The following SMC5 variants were observed in gnomAD, a reference collection of about 807,000 sequenced individuals.
SMC5 encodes the protein structural maintenance of chromosomes protein 5.
In SMC5, 88 loss-of-function variants were observed where a neutral mutation model predicts 148.3. That is an observed-to-expected ratio of 0.59 (90% CI 0.50 to 0.71). The LOEUF (loss-of-function observed/expected upper bound fraction) is 0.71, where lower values mean the gene tolerates loss of function less well. Among genes scored for constraint, SMC5 ranks in the 30% least tolerant of loss-of-function variants. The pLI, the probability that SMC5 is intolerant of heterozygous loss-of-function variation, is 0.00. For missense variants in SMC5, 1,142 were observed against 1,298.9 expected, an observed-to-expected ratio of 0.88 and a Z score of 1.86; for synonymous variants, 421 against 432.8, an observed-to-expected ratio of 0.97 and a Z score of 0.34.
chr9:70,324,292 T>C lies in SMC5; in HGVS notation c.2397+149T>C, dbSNP rs148694196. 531 of 720,288 alleles carry C rather than the reference T, an allele frequency of 7.4e-4. 3 individuals are homozygous for C. The African/African-American group carries it at 9.1e-3, about 12-fold the overall frequency. 44.6% of individuals were successfully genotyped at this position (720,288 alleles called of 1,614,324 possible). A position where few individuals can be genotyped will look rare whatever the true frequency, so the allele number is the denominator to read the frequency against. On this transcript the variant is annotated intron_variant, in intron 17 of 24. Transcript: ENST00000361138. ...ATGCATCATGTTGATGAGGAAGTAA[T>C]ACTTAAAATACTTAAGACTGGTTGA...
chr9:70,326,596 CTTTT>C (rs551424297), intron 17 of SMC5, among the ~76,000 whole-genome samples: 1 of 126,600 alleles, frequency 7.9e-6, no homozygotes, highest in Non-Finnish European at 1.7e-5. Context: ...AAACCAGAAT[CTTTT>C]TTTTTTTTTT....
intron 9 of SMC5, 29 bp from the exon 10 acceptor site, chr9:70,300,016 AC>A: frequency 2.6e-6 from 4 of 1,530,632 alleles, no homozygotes; most frequent in Non-Finnish European, 3.5e-6. Flanking sequence ...TTTCAGAGAA[AC>A]AAGACTTTGT....
At chr9:70,304,176 A>T (rs1258525205) in intron 10 of SMC5, among the ~76,000 whole-genome samples, 1 of 152,010 alleles carries the variant, frequency 6.6e-6, no homozygotes, top group Non-Finnish European at 1.5e-5. Flanking sequence ...GTAACTTCAA[A>T]CTCCTGGGCT....
intron 8 of SMC5, among the ~76,000 whole-genome samples, chr9:70,287,148 A>G (rs1564031942): frequency 6.6e-6 from 1 of 152,304 alleles, no homozygotes; most frequent in South Asian, 2.1e-4. Context: ...ATTTATTGCT[A>G]AGGAAAAATC....
intron 12 of SMC5, 142 bp downstream of exon 12, chr9:70,314,978 A>G (rs920762664): frequency 2.0e-6 from 1 of 512,708 alleles, no homozygotes; most frequent in Non-Finnish European, 3.5e-6. Context: ...GCACAGGACC[A>G]TGATATAGTT....
In SMC5 at chr9:70,286,207, A is replaced by G. The variant is rs776884389; in HGVS notation, c.989A>G (p.Asp330Gly). The G allele has an allele frequency of 1.5e-6, 2 of 1,359,528 alleles. No individual in the cohort carries two copies. Among genetic ancestry groups the G allele is most frequent in the Non-Finnish European group, 2.0e-6 (2 of 989,218 alleles). 84.2% of individuals were successfully genotyped at this position (1,359,528 alleles called of 1,614,324 possible). A position where few individuals can be genotyped will look rare whatever the true frequency, so the allele number is the denominator to read the frequency against. ...LEARIKEKATDIKEASQKCKQ... is the reference protein window; with the variant it reads ...LEARIKEKATGIKEASQKCKQ... ...CCCGGTTTAATTTTACAGGCAACAG[A>G]TATTAAGGAGGCATCTCAAAAATGC... The change falls in exon 8 of 25, where the codon GAT (aspartate) becomes GGT (glycine). Residue 330 changes from aspartate to glycine, a missense_variant. Asp to Gly is a moderately conservative substitution (Grantham distance 94). This residue lies in a region of SMC5 where 743 missense variants were observed against 835.7 expected (regional missense o/e 0.89). Coordinates refer to ENST00000361138, the MANE Select transcript of SMC5 (RefSeq NM_015110.4).
rs778648278 is a variant in SMC5 at position 70,259,216 on chromosome 9, G to T, written c.138G>T (p.Gly46=). 8 of 1,605,274 alleles carry T rather than the reference G, an allele frequency of 5.0e-6. No individual in the cohort carries two copies. Among genetic ancestry groups the T allele is most frequent in the South Asian group, 2.2e-5 (2 of 89,504 alleles). Residue 46 remains glycine, a synonymous_variant, in exon 1 of 25, where the codon GGG becomes GGT. Transcript: ENST00000361138. The stretch of plus-strand genomic sequence containing the variant: ...AGCTGCCGCTGTTGCAGTCGTCCGG[G>T]CCTTTCGTGGAAGGCTCTATCGTCC... ...APQLPLLQSS[G]PFVEGSIVRI...
chr9:70,260,307 G>T (rs534016948), intron 1 of SMC5, among the ~76,000 whole-genome samples: 1 of 152,038 alleles, frequency 6.6e-6, no homozygotes, highest in Non-Finnish European at 1.5e-5. Flanking sequence ...CGGTTTCACC[G>T]TGTTGACCAG....
intron 15 of SMC5, among the ~76,000 whole-genome samples, chr9:70,322,499 T>A (rs915087629): frequency 6.6e-5 from 10 of 152,232 alleles, no homozygotes; most frequent in African/African-American, 2.4e-4. Flanking sequence ...AAAAGACTGT[T>A]GCAAAATTTA....
chr9:70,287,173 A>G (rs1386773387), intron 8 of SMC5, among the ~76,000 whole-genome samples: 2 of 152,166 alleles, frequency 1.3e-5, no homozygotes, highest in African/African-American at 4.8e-5. Flanking sequence ...TTCAATTTGT[A>G]GTATCCTGTT....
At chr9:70,323,443 G>A (rs201844196) in intron 15 of SMC5, 40 bp from the exon 16 acceptor site, 12 of 1,549,306 alleles carry the variant, frequency 7.7e-6, no homozygotes, top group African/African-American at 2.8e-5. Flanking sequence ...CAATTCTTAT[G>A]TTTAACACTG....
rs1282697387 is a variant in SMC5, at chr9:70,353,956, C to A, written c.*1625C>A. ...TAAATTAGTACCAGTCATCTTATTT[C>A]TGCAAAATGAGTATCAATGTGAAAA... On this transcript the variant is annotated 3_prime_UTR_variant, in exon 25 of 25. Coordinates refer to ENST00000361138, the MANE Select transcript of SMC5 (RefSeq NM_015110.4). The A allele has an allele frequency of 3.3e-5, 5 of 152,090 alleles. No homozygotes were observed. Among genetic ancestry groups the A allele is most frequent in the African/African-American group, 4.8e-5 (2 of 41,404 alleles). The allele number at this position is 152,090 out of a possible 1,614,324, so 9.4% of individuals were successfully genotyped here.
At chr9:70,317,618 C>G (rs1216726872) in intron 13 of SMC5, among the ~76,000 whole-genome samples, 3 of 152,172 alleles carry the variant, frequency 2.0e-5, no homozygotes, top group African/African-American at 7.2e-5. Context: ...ACAATAGTAT[C>G]TGAAGGTTTT....
intron 1 of SMC5, among the ~76,000 whole-genome samples, chr9:70,263,068 C>T (rs2034182034): frequency 6.6e-6 from 1 of 152,026 alleles, no homozygotes; most frequent in South Asian, 2.1e-4. Flanking sequence ...GTTCTGTTTT[C>T]TTAAATACCA....
At chr9:70,352,091 A>G in intron 24 of SMC5, 100 bp from the exon 25 acceptor site, 5 of 1,145,090 alleles carry the variant, frequency 4.4e-6, no homozygotes, top group Non-Finnish European at 6.1e-6. Context: ...TTTTATTAAT[A>G]TTGCAAATAA....
Position 70,282,579 on chromosome 9 carries a change from A to C in SMC5, c.977A>C (p.Glu326Ala). ...CACAATTTGGAGGCTCGAATCAAAGAAAAGGTACTTTTTGGTTTCAATTTT... is the reference window on the plus strand; with the variant it reads ...CACAATTTGGAGGCTCGAATCAAAGCAAAGGTACTTTTTGGTTTCAATTTT... ...ERHNLEARIKEKATDIKEASQ... is the reference protein window; with the variant it reads ...ERHNLEARIKAKATDIKEASQ... The change falls in exon 7 of 25, where the codon GAA becomes GCA. Residue 326 changes from glutamate to alanine, a missense_variant. Transcript: ENST00000361138. 2 of 1,561,142 alleles carry C rather than the reference A, an allele frequency of 1.3e-6. No individual in the cohort carries two copies. Among genetic ancestry groups the C allele is most frequent in the Admixed American group, 4.2e-5 (2 of 47,706 alleles).
At chr9:70,314,633 C>T (rs987175794) in intron 11 of SMC5, 109 bp from the exon 12 acceptor site, 16 of 458,692 alleles carry the variant, frequency 3.5e-5, no homozygotes, top group South Asian at 7.6e-5. Flanking sequence ...ATGCCGTGTT[C>T]GAGTTTCTTA....
At chr9:70,302,277 C>T (rs1220866977) in intron 10 of SMC5, among the ~76,000 whole-genome samples, 1 of 151,940 alleles carries the variant, frequency 6.6e-6, no homozygotes, top group Admixed American at 6.6e-5. Context: ...GGGGGTGGAA[C>T]GAGGTCAGAA....
In SMC5 at chr9:70,346,597, C is replaced by A; in HGVS notation, c.2524-8C>A. ...CCCACATATTCTGGACCCATTCTACCAATTCAGCAAGTACCCACCATTCCA... is the reference window on the plus strand; with the variant it reads ...CCCACATATTCTGGACCCATTCTACAAATTCAGCAAGTACCCACCATTCCA... On this transcript the variant is annotated splice_polypyrimidine_tract_variant and splice_region_variant and intron_variant, in intron 18 of 24. Transcript: ENST00000361138. The A allele has an allele frequency of 6.2e-7, 1 of 1,613,790 alleles. No individual in the cohort carries two copies. Among genetic ancestry groups the A allele is most frequent in the Non-Finnish European group, 8.5e-7 (1 of 1,179,758 alleles).
Sources: gnomAD v4.1 joint callset for allele counts (sites outside exome capture counted in the v4.1 genomes callset) on GRCh38, gnomAD v4.1.1 for gene constraint, gnomAD v4.1.1 regional missense constraint, MANE v1.5 for transcripts, NCBI Gene and HGNC (gene_info 2026-07-23, HGNC 2026-07-21) for gene names.